CLECL1: variants seen among roughly 807,000 people sequenced by gnomAD.
CLECL1 encodes C-type lectin-like domain family 1.
chr12:9,729,414 T>G (rs2121063160), intron 2 of CLECL1, among the ~76,000 whole-genome samples: 1 of 152,290 alleles, frequency 6.6e-6, no homozygotes, highest in South Asian at 2.1e-4. Flanking sequence ...AATGTATATT[T>G]TATCACATGG....
At chr12:9,706,303 C>G in the CLECL1 span, among the ~76,000 whole-genome samples, 1 of 152,194 alleles carries the variant, frequency 6.6e-6, no homozygotes. Flanking sequence ...CATCTGCAAA[C>G]AAAGACAATT....
At chr12:9,733,659 A>G (rs928654324), upstream of CLECL1, among the ~76,000 whole-genome samples, 3 of 152,228 alleles carry the variant, frequency 2.0e-5, no homozygotes, top group Non-Finnish European at 4.4e-5. Context: ...ACTAAAAAAT[A>G]TATATTTAAG....
At chr12:9,708,709 A>G in the CLECL1 span, among the ~76,000 whole-genome samples, 1 of 152,162 alleles carries the variant, frequency 6.6e-6, no homozygotes, top group African/African-American at 2.4e-5. Context: ...CTTCATGGGT[A>G]CCTACCGCAT....
upstream of CLECL1, chr12:9,733,391 A>T (rs764561060): frequency 3.3e-6 from 2 of 612,002 alleles, no homozygotes; most frequent in Non-Finnish European, 5.6e-6. Context: ...GTTCAGGCAT[A>T]TATTCTCTGG....
the CLECL1 span, among the ~76,000 whole-genome samples, chr12:9,707,984 C>T: frequency 6.6e-6 from 1 of 152,182 alleles, no homozygotes; most frequent in Non-Finnish European, 1.5e-5. Context: ...GCCACAGGTA[C>T]ACATGGCTCA....
At chr12:9,708,459 T>A in the CLECL1 span, among the ~76,000 whole-genome samples, 10 of 152,038 alleles carry the variant, frequency 6.6e-5, no homozygotes, top group African/African-American at 1.9e-4. Context: ...AGTCCCAAAC[T>A]TGATTCCAAG....
intron 1 of CLECL1, among the ~76,000 whole-genome samples, chr12:9,730,327 G>A (rs1866432155): frequency 6.6e-6 from 1 of 152,092 alleles, no homozygotes; most frequent in Non-Finnish European, 1.5e-5. Flanking sequence ...TTTAGCTTTA[G>A]GCTGAAAGTT....
At chr12:9,703,999 T>A in the CLECL1 span, 2 of 152,198 alleles carry the variant, frequency 1.3e-5, no homozygotes, top group Non-Finnish European at 2.9e-5. Context: ...AATACATTTA[T>A]AAGTTACATT....
intron 3 of CLECL1, 72 bp from the exon 2 acceptor site, chr12:9,722,885 G>T: frequency 4.3e-6 from 5 of 1,160,802 alleles, no homozygotes; most frequent in East Asian, 2.6e-5. Context: ...TAATTGAAGG[G>T]TCTCAAATTT....
upstream of CLECL1, chr12:9,733,398 C>A: frequency 1.7e-6 from 1 of 587,326 alleles, no homozygotes; most frequent in South Asian, 2.5e-5. Flanking sequence ...CATATATTCT[C>A]TGGCGGAAAC....
chr12:9,702,254 G>T, the CLECL1 span, among the ~76,000 whole-genome samples: 3 of 152,194 alleles, frequency 2.0e-5, no homozygotes, highest in Non-Finnish European at 4.4e-5. Context: ...GAGCTGGAAA[G>T]TGGATGGAAT....
chr12:9,719,930 G>A (rs1866288293), downstream of CLECL1, among the ~76,000 whole-genome samples: 1 of 152,058 alleles, frequency 6.6e-6, no homozygotes, highest in Admixed American at 6.6e-5. Flanking sequence ...AGATTACTTG[G>A]CACATTCTTA....
chr12:9,729,669 G>T (rs1169271879), exon 2 of CLECL1, among the ~76,000 whole-genome samples: 1 of 152,086 alleles, frequency 6.6e-6, no homozygotes, highest in Admixed American at 6.6e-5. Flanking sequence ...TTCCATGGTG[G>T]TGAGAATCTA....
At chr12:9,712,525 C>T (rs4763820), downstream of CLECL1, among the ~76,000 whole-genome samples, 151,834 of 152,360 alleles carry the variant, frequency 1, 75,657 homozygotes, top group Middle Eastern at 1. Context: ...CTTTACAATC[C>T]GTATGCCTTT....
At chr12:9,703,509 A>G in the CLECL1 span, among the ~76,000 whole-genome samples, 2 of 151,906 alleles carry the variant, frequency 1.3e-5, no homozygotes, top group Non-Finnish European at 2.9e-5. Context: ...ATCCTCTCAC[A>G]TCAGCCTCCC....
exon 3 of CLECL1, chr12:9,716,720 TC>T: frequency 8.2e-7 from 1 of 1,226,980 alleles, no homozygotes; most frequent in Non-Finnish European, 1.1e-6. Flanking sequence ...AGCCTCTGTC[TC>T]CTCAGCACTG....
intron 1 of CLECL1, 143 bp downstream of exon 1, chr12:9,732,806 T>A (rs1171651877): frequency 3.3e-6 from 2 of 613,324 alleles, no homozygotes; most frequent in African/African-American, 3.7e-5. Context: ...ATTAAAAACA[T>A]TCGCTCTTAT....
At chr12:9,733,307 G>A (rs759580248), upstream of CLECL1, 2 of 1,361,362 alleles carry the variant, frequency 1.5e-6, no homozygotes, top group South Asian at 2.6e-5. Flanking sequence ...GCCTAAACTT[G>A]AAATGCTTTT....
upstream of CLECL1, chr12:9,733,182 A>G: frequency 6.2e-7 from 1 of 1,613,944 alleles, no homozygotes; most frequent in Middle Eastern, 1.6e-4. Flanking sequence ...TGAATAAATG[A>G]CAAAACCAAT....
Sources: gnomAD v4.1 joint callset for allele counts (sites outside exome capture counted in the v4.1 genomes callset) on GRCh38, gnomAD v4.1.1 for gene constraint, MANE v1.5 for transcripts, NCBI Gene and HGNC (gene_info 2026-07-23, HGNC 2026-07-21) for gene names.